The following GALNTL5 variants were observed in gnomAD, a reference collection of about 807,000 sequenced individuals.
GALNTL5 encodes the protein inactive polypeptide N-acetylgalactosaminyltransferase-like protein 5.
In GALNTL5, 44 loss-of-function variants were observed where a neutral mutation model predicts 51.0. The observed-to-expected ratio is 0.86, with a 90% CI of 0.68 to 1.11. The LOEUF (loss-of-function observed/expected upper bound fraction) is 1.11. Among genes scored for constraint, GALNTL5 ranks in the 50% least tolerant of loss-of-function variants. The probability of loss-of-function intolerance (pLI) is 0.00; values close to 1 mark genes in which losing one functional copy is unlikely to be tolerated. For missense variants in GALNTL5, 528 were observed against 531.8 expected, an observed-to-expected ratio of 0.99 and a Z score of 0.07; for synonymous variants, 192 against 182.8, an observed-to-expected ratio of 1.05 and a Z score of -0.41.
intron 5 of GALNTL5, among the ~76,000 whole-genome samples, chr7:151,996,479 C>G (rs921379185): frequency 3.3e-4 from 50 of 152,152 alleles, no homozygotes; most frequent in Non-Finnish European, 6.0e-4. Flanking sequence ...GTGGCTCACG[C>G]CTGTAATCCC....
chr7:151,987,583 C>A (rs915725324), intron 5 of GALNTL5, among the ~76,000 whole-genome samples: 1 of 112,642 alleles, frequency 8.9e-6, no homozygotes, highest in Admixed American at 1.4e-4. Flanking sequence ...AGGGGACCCA[C>A]TGGGAGCCAC....
intron 4 of GALNTL5, among the ~76,000 whole-genome samples, chr7:151,986,316 G>C (rs1178215892): frequency 6.6e-6 from 1 of 152,164 alleles, no homozygotes; most frequent in East Asian, 1.9e-4. Flanking sequence ...TACTAAAATA[G>C]AGTTATTTCA....
At chr7:151,984,086 A>C (rs1363267759) in intron 4 of GALNTL5, 2 of 152,188 alleles carry the variant, frequency 1.3e-5, no homozygotes, top group African/African-American at 4.8e-5. Flanking sequence ...CTGCTCATAA[A>C]GCGCATTATT....
intron 3 of GALNTL5, among the ~76,000 whole-genome samples, chr7:151,971,441 A>T (rs1341876869): frequency 2.6e-5 from 4 of 152,186 alleles, no homozygotes. Flanking sequence ...TTTTCAAAAA[A>T]ATTGTTCTTT....
At chr7:151,971,731 T>C (rs539430473) in intron 3 of GALNTL5, among the ~76,000 whole-genome samples, 1 of 152,248 alleles carries the variant, frequency 6.6e-6, no homozygotes, top group East Asian at 1.9e-4. Flanking sequence ...GGTGATTGGA[T>C]CATGGGGGTG....
chr7:151,991,666 A>G (rs1027386640), intron 5 of GALNTL5, among the ~76,000 whole-genome samples: 1 of 151,964 alleles, frequency 6.6e-6, no homozygotes, highest in Non-Finnish European at 1.5e-5. Flanking sequence ...GTATTTTTGT[A>G]TTTCTAGGCT....
chr7:151,960,359 C>T (rs1232116463), intron 1 of GALNTL5: 2 of 152,268 alleles, frequency 1.3e-5, no homozygotes, highest in Non-Finnish European at 2.9e-5. Context: ...TTTCAGAACA[C>T]CACCTTTCCA....
At chr7:152,004,201 G>A (rs1465966233) in intron 6 of GALNTL5, among the ~76,000 whole-genome samples, 3 of 151,684 alleles carry the variant, frequency 2.0e-5, no homozygotes, top group Non-Finnish European at 4.4e-5. Flanking sequence ...AATCATTAAA[G>A]TTAAGTTTTC....
At chr7:152,012,953 A>G (rs1212981307) in intron 7 of GALNTL5, among the ~76,000 whole-genome samples, 1 of 152,158 alleles carries the variant, frequency 6.6e-6, no homozygotes, top group Non-Finnish European at 1.5e-5. Flanking sequence ...AACAAAAACA[A>G]AAACCAGTGG....
At chr7:151,966,023 GT>G (rs1423017888) in intron 1 of GALNTL5, among the ~76,000 whole-genome samples, 5 of 151,834 alleles carry the variant, frequency 3.3e-5, no homozygotes, top group Non-Finnish European at 7.4e-5. Flanking sequence ...CACATGCATG[GT>G]TTTTTTCCCA....
chr7:151,986,759 C>T (rs1969556), intron 4 of GALNTL5, among the ~76,000 whole-genome samples: 125,133 of 147,934 alleles, frequency 0.85, 54,167 homozygotes, highest in Non-Finnish European at 0.96. Flanking sequence ...TAGGGTTTTG[C>T]TCTTGTTGCC....
Position 151,956,629 on chromosome 7 carries a change from T to C in GALNTL5, c.-40+20T>C, listed in dbSNP as rs933767506. On this transcript the variant is annotated intron_variant, in intron 1 of 8. Transcript: ENST00000392800. ...TCAAGGGTAGGTGAAGTGAGCCCCA[T>C]GTGCTAGAAGTGGGAACAAAGATGG... 2 of 152,198 alleles carry C rather than the reference T, an allele frequency of 1.3e-5. No homozygotes were observed. Among genetic ancestry groups the C allele is most frequent in the Non-Finnish European group, 2.9e-5 (2 of 68,042 alleles). The allele number at this position is 152,198 out of a possible 1,614,324, so 9.4% of individuals were successfully genotyped here. A position where few individuals can be genotyped will look rare whatever the true frequency, so the allele number is the denominator to read the frequency against.
intron 1 of GALNTL5, among the ~76,000 whole-genome samples, chr7:151,962,336 AT>A (rs898704437): frequency 8.7e-5 from 13 of 150,224 alleles, no homozygotes; most frequent in African/African-American, 2.9e-4. Flanking sequence ...TTAGACTTCT[AT>A]TTTTTTAATT....
chr7:152,005,829 T>C (rs1346852578), intron 6 of GALNTL5, among the ~76,000 whole-genome samples: 1 of 152,230 alleles, frequency 6.6e-6, no homozygotes, highest in Non-Finnish European at 1.5e-5. Context: ...ATCTATAACA[T>C]GATATGACAT....
chr7:151,976,763 G>A (rs2081211548), intron 3 of GALNTL5, among the ~76,000 whole-genome samples: 1 of 152,092 alleles, frequency 6.6e-6, no homozygotes, highest in Admixed American at 6.6e-5. Context: ...TTGCCTCCAG[G>A]TTCAAGCAAT....
intron 5 of GALNTL5, among the ~76,000 whole-genome samples, chr7:152,002,380 A>T (rs2081591359): frequency 6.6e-6 from 1 of 152,156 alleles, no homozygotes; most frequent in African/African-American, 2.4e-5. Context: ...TTCAGTAAAA[A>T]TTTGCTAAAT....
chr7:151,994,796 C>A (rs1323616544), intron 5 of GALNTL5: 1 of 151,676 alleles, frequency 6.6e-6, no homozygotes, highest in Non-Finnish European at 1.5e-5. Context: ...CTCGTTCTGT[C>A]CCCCAGGCTG....
At chr7:151,966,034 A>C (rs1053180442) in intron 1 of GALNTL5, among the ~76,000 whole-genome samples, 5 of 152,050 alleles carry the variant, frequency 3.3e-5, no homozygotes, top group Non-Finnish European at 7.4e-5. Context: ...TTTTTTTCCC[A>C]TGCATTTGCT....
intron 4 of GALNTL5, among the ~76,000 whole-genome samples, chr7:151,983,947 GCTCACACCTGCAATCCCA>G (rs1216695886): frequency 6.6e-6 from 1 of 152,158 alleles, no homozygotes; most frequent in Non-Finnish European, 1.5e-5. Context: ...CAGCCTGGTG[GCTCACACCTGCAATCCCA>G]GCACTTTGGG....
Sources: allele counts gnomAD v4.1 joint callset (sites outside exome capture counted in the v4.1 genomes callset), GRCh38; gene constraint gnomAD v4.1.1; transcripts MANE v1.5; gene names NCBI Gene and HGNC (gene_info 2026-07-23, HGNC 2026-07-21).